CSMD2: variants seen among roughly 807,000 people sequenced by gnomAD.
CSMD2 encodes the protein CUB and Sushi multiple domains 2, also known as CUB and sushi domain-containing protein 2.
CSMD2 carries 130 observed loss-of-function variants against 398.5 expected under a neutral mutation model. The observed-to-expected ratio is 0.33, with a 90% CI of 0.28 to 0.38. The LOEUF (loss-of-function observed/expected upper bound fraction) is 0.38. CSMD2 is among the 10% of genes least tolerant of loss of function. CSMD2 has a pLI of 1.00. For missense variants in CSMD2, 3,829 were observed against 4,764.9 expected (o/e 0.80, Z 5.78); for synonymous variants, 1,828 against 1,908.5 (o/e 0.96, Z 1.10).
At chr1:33,992,119 T>C (rs1646573984) in intron 3 of CSMD2, among the ~76,000 whole-genome samples, 1 of 152,164 alleles carries the variant, frequency 6.6e-6, no homozygotes, top group Admixed American at 6.5e-5. Flanking sequence ...AGGTGGTTAG[T>C]GGGAGTGTAA....
chr1:33,638,924 T>C (rs1273142757), intron 29 of CSMD2, among the ~76,000 whole-genome samples: 1 of 152,250 alleles, frequency 6.6e-6, no homozygotes, highest in African/African-American at 2.4e-5. Context: ...CACTAGAATA[T>C]AGATTTCAGA....
chr1:33,780,641 CTTTCTA>C (rs1652622708), intron 12 of CSMD2, among the ~76,000 whole-genome samples: 1 of 152,236 alleles, frequency 6.6e-6, no homozygotes, highest in Non-Finnish European at 1.5e-5. Context: ...TGACAAATTA[CTTTCTA>C]CCAAATTTTA....
intron 3 of CSMD2, among the ~76,000 whole-genome samples, chr1:34,027,845 CAGACAGCCCTACAT>C (rs1649859207): frequency 3.3e-4 from 1 of 3,028 alleles, no homozygotes; most frequent in African/African-American, 4.1e-4. Context: ...TAGACCTGGG[CAGACAGCCCTACAT>C]GGGCAGACAG....
intron 12 of CSMD2, among the ~76,000 whole-genome samples, chr1:33,775,161 A>T (rs541706753): frequency 1.3e-5 from 2 of 152,162 alleles, no homozygotes; most frequent in Non-Finnish European, 2.9e-5. Flanking sequence ...TTAGTGCGAT[A>T]TTTTTTTCTA....
At chr1:33,865,549 C>T (rs529001785) in intron 5 of CSMD2, among the ~76,000 whole-genome samples, 27 of 152,254 alleles carry the variant, frequency 1.8e-4, no homozygotes, top group African/African-American at 4.1e-4. Flanking sequence ...AGGGCAGGAT[C>T]GCCTTGGCCA....
At chr1:34,109,411 G>A (rs961468490) in intron 1 of CSMD2, among the ~76,000 whole-genome samples, 1 of 152,196 alleles carries the variant, frequency 6.6e-6, no homozygotes, top group African/African-American at 2.4e-5. Context: ...GCTCAGACCA[G>A]TCTAGATGCC....
chr1:34,049,425 A>G (rs1652925501), intron 2 of CSMD2, among the ~76,000 whole-genome samples: 1 of 152,170 alleles, frequency 6.6e-6, no homozygotes, highest in South Asian at 2.1e-4. Flanking sequence ...ATTACGGTAG[A>G]TGACCCTGGA....
intron 13 of CSMD2, among the ~76,000 whole-genome samples, chr1:33,748,588 G>A (rs1361066827): frequency 6.6e-6 from 1 of 151,802 alleles, no homozygotes; most frequent in African/African-American, 2.4e-5. Context: ...TTTTCTTTTG[G>A]TGTTGTCACC....
chr1:33,942,282 C>T (rs980916098), intron 3 of CSMD2, among the ~76,000 whole-genome samples: 2 of 152,218 alleles, frequency 1.3e-5, no homozygotes, highest in African/African-American at 4.8e-5. Flanking sequence ...TTGCACAGTC[C>T]ATTCCACAGG....
chr1:33,889,525 T>A (rs1641838639), intron 5 of CSMD2, among the ~76,000 whole-genome samples: 1 of 152,158 alleles, frequency 6.6e-6, no homozygotes, highest in Non-Finnish European at 1.5e-5. Context: ...GAAATTCTAT[T>A]TTAAAGAAAG....
chr1:33,933,886 G>A (rs983441822), intron 4 of CSMD2, among the ~76,000 whole-genome samples: 1 of 152,062 alleles, frequency 6.6e-6, no homozygotes, highest in African/African-American at 2.4e-5. Context: ...TTGAGGAGAG[G>A]TAAACAAAGG....
intron 3 of CSMD2, among the ~76,000 whole-genome samples, chr1:33,950,434 G>A (rs1644972446): frequency 7.3e-6 from 1 of 137,430 alleles, no homozygotes; most frequent in African/African-American, 3.0e-5. Flanking sequence ...GAGAGTTTGT[G>A]TCTATAGTCA....
At chr1:33,576,379 T>A (rs1051190902) in intron 49 of CSMD2, among the ~76,000 whole-genome samples, 1 of 152,080 alleles carries the variant, frequency 6.6e-6, no homozygotes, top group Non-Finnish European at 1.5e-5. Context: ...TCACCTGAGG[T>A]CAGCAGTTTG....
chr1:33,947,731 C>A (rs1644881379), intron 3 of CSMD2, among the ~76,000 whole-genome samples: 1 of 152,216 alleles, frequency 6.6e-6, no homozygotes, highest in Non-Finnish European at 1.5e-5. Context: ...CACTTGAGTT[C>A]CCGTAGGGTG....
intron 37 of CSMD2, among the ~76,000 whole-genome samples, chr1:33,620,309 C>A (rs1024782396): frequency 6.6e-6 from 1 of 152,186 alleles, no homozygotes; most frequent in African/African-American, 2.4e-5. Flanking sequence ...TCTCTATTGT[C>A]TGTGAGCTCT....
intron 3 of CSMD2, among the ~76,000 whole-genome samples, chr1:33,996,177 C>A (rs548583040): frequency 6.6e-5 from 10 of 152,136 alleles, no homozygotes; most frequent in African/African-American, 2.4e-4. Context: ...TGAAAAGATG[C>A]GCAACCTCAC....
chr1:34,081,780 C>A (rs577350229), intron 2 of CSMD2, among the ~76,000 whole-genome samples: 1 of 152,322 alleles, frequency 6.6e-6, no homozygotes, highest in South Asian at 2.1e-4. Flanking sequence ...CCTGCCTTGG[C>A]CTCCCAAAGT....
chr1:33,818,474 A>T (rs192639849), intron 9 of CSMD2, among the ~76,000 whole-genome samples: 34 of 152,184 alleles, frequency 2.2e-4, no homozygotes, highest in Non-Finnish European at 4.3e-4. Flanking sequence ...CAATCTCCAC[A>T]TTAAACAGAA....
chr1:33,877,967 G>T (rs558307603), intron 5 of CSMD2, among the ~76,000 whole-genome samples: 53 of 152,230 alleles, frequency 3.5e-4, no homozygotes, highest in African/African-American at 1.1e-3. Flanking sequence ...GAGCCAATCA[G>T]ATTCTCTCTC....
Sources: gnomAD v4.1 joint callset for allele counts (sites outside exome capture counted in the v4.1 genomes callset) on GRCh38, gnomAD v4.1.1 for gene constraint, MANE v1.5 for transcripts, NCBI Gene and HGNC (gene_info 2026-07-23, HGNC 2026-07-21) for gene names.